Variants in FHIP2A observed in about 807,000 individuals in gnomAD.
FHIP2A encodes the protein FHF complex subunit HOOK interacting protein 2A, also known as family with sequence similarity 160 member B1.
In FHIP2A, 46 loss-of-function variants were observed where a neutral mutation model predicts 93.5. The ratio of observed to expected loss-of-function variants is 0.49; its 90% CI spans 0.39 to 0.63. The LOEUF is 0.63. Ranked by LOEUF, FHIP2A falls within the 20% of genes least tolerant of loss-of-function variation. The probability of loss-of-function intolerance (pLI) is 0.00; values close to 1 mark genes in which losing one functional copy is unlikely to be tolerated. For missense variants in FHIP2A, 769 were observed against 909.7 expected (o/e 0.85, Z 1.99); for synonymous variants, 332 against 326.5 (o/e 1.02, Z -0.18).
Position 114,897,361 on chromosome 10 carries a change from T to G in FHIP2A, c.2193-2129T>G, listed in dbSNP as rs556142728. ...GTTATAAATGACCCTTTATTCGGTG[T>G]ACTTTCGTGGCAAAACTGCTGGCAA... On this transcript the variant is annotated intron_variant, in intron 16 of 16. Coordinates refer to the FHIP2A transcript ENST00000369250. Among the ~76,000 whole-genome samples the G allele has an allele frequency of 6.8e-4, 103 of 152,346 alleles. 3 individuals carry two copies. The South Asian group carries it at 0.021, about 31-fold the overall frequency.
chr10:114,859,281 CTG>C (rs113693865), intron 14 of FHIP2A, among the ~76,000 whole-genome samples: 7,660 of 152,270 alleles, frequency 0.05, 338 homozygotes, highest in Admixed American at 0.12. Flanking sequence ...ATCGTAGCGT[CTG>C]TAGCTGTGGT....
chr10:114,863,642 T>C lies in FHIP2A; in HGVS notation c.*2102T>C. ...TTTTCATCCCTTCTTTTTTCTTTTATATTTAGTTCAGACCTAGAGCCAGTA... is the reference window on the plus strand; with the variant it reads ...TTTTCATCCCTTCTTTTTTCTTTTACATTTAGTTCAGACCTAGAGCCAGTA... On this transcript the variant is annotated 3_prime_UTR_variant, in exon 17 of 17. Coordinates refer to ENST00000369248, the MANE Select transcript of FHIP2A (RefSeq NM_020940.4). 7.7e-7 allele frequency: 1 copy of C among 1,291,712 alleles called. No homozygotes were observed. Among genetic ancestry groups the C allele is most frequent in the Middle Eastern group, 2.4e-4 (1 of 4,162 alleles). 80.0% of individuals were successfully genotyped at this position (1,291,712 alleles called of 1,614,324 possible).
chr10:114,855,462 G>C (rs2083761600), intron 14 of FHIP2A, 122 bp downstream of exon 14: 1 of 842,512 alleles, frequency 1.2e-6, no homozygotes, highest in African/African-American at 1.7e-5. Flanking sequence ...TCCACTGGAT[G>C]ACTTTTTCAT....
intron 7 of FHIP2A, among the ~76,000 whole-genome samples, 181 bp from the exon 8 acceptor site, chr10:114,845,186 A>C (rs564722495): frequency 6.6e-6 from 1 of 152,250 alleles, no homozygotes; most frequent in South Asian, 2.1e-4. Flanking sequence ...CTTATTTAAA[A>C]GATTTTCTCT....
Position 114,899,568 on chromosome 10 carries a change from T to G in FHIP2A, c.*54T>G. On this transcript the variant is annotated 3_prime_UTR_variant, in exon 17 of 17. Coordinates refer to the FHIP2A transcript ENST00000369250. The stretch of plus-strand genomic sequence containing the variant: ...AAAGCTTCAAGCTCAGCCAAAAGAA[T>G]CTCGATGGTTTCCACAAAAAATCTT... The G allele has an allele frequency of 4.2e-6, 3 of 716,908 alleles. No individual in the cohort carries two copies. The South Asian group carries it at 4.5e-5, about 11-fold the overall frequency. 44.4% of individuals were successfully genotyped at this position (716,908 alleles called of 1,614,324 possible). A position where few individuals can be genotyped will look rare whatever the true frequency, so the allele number is the denominator to read the frequency against.
intron 16 of FHIP2A, among the ~76,000 whole-genome samples, chr10:114,871,452 C>T (rs1001472263): frequency 6.6e-6 from 1 of 152,190 alleles, no homozygotes; most frequent in African/African-American, 2.4e-5. Flanking sequence ...TCTAGCTCTG[C>T]AACCCCAGCC....
At chr10:114,874,287 C>A (rs978924040) in intron 16 of FHIP2A, among the ~76,000 whole-genome samples, 3 of 152,120 alleles carry the variant, frequency 2.0e-5, no homozygotes, top group Non-Finnish European at 4.4e-5. Context: ...AAAGGAATCA[C>A]ATCCTAACAG....
Position 114,875,873 on chromosome 10 carries a change from AAGAAAGAAAAGAAAGAG to A in FHIP2A, c.2192+14543_2192+14559del, listed in dbSNP as rs1566384240. 1.6e-4 allele frequency among the ~76,000 whole-genome samples: 23 copies of A among 140,160 alleles called. 1 individual carries two copies. Among genetic ancestry groups the A allele is most frequent in the African/African-American group, 6.3e-4 (22 of 34,748 alleles). 92.0% of individuals were successfully genotyped at this position (140,160 alleles called of 152,430 possible). ...AAAGAAAAAGAAAGAAAGAAAGAGAAAGAAAGAAAAGAAAGAGAGAGAAAGAAATAAAGAAAGAGAAA... is the reference window on the plus strand; with the variant it reads ...AAAGAAAAAGAAAGAAAGAAAGAGAAAGAGAAAGAAATAAAGAAAGAGAAA... On this transcript the variant is annotated intron_variant, in intron 16 of 16. Coordinates refer to the FHIP2A transcript ENST00000369250.
chr10:114,890,116 C>G (rs1358510093), intron 16 of FHIP2A, among the ~76,000 whole-genome samples: 1 of 152,190 alleles, frequency 6.6e-6, no homozygotes, highest in Non-Finnish European at 1.5e-5. Flanking sequence ...CAACCTCTGC[C>G]TCCCAGGTTC....
intron 14 of FHIP2A, among the ~76,000 whole-genome samples, chr10:114,856,007 T>C (rs1170686734): frequency 6.6e-6 from 1 of 152,206 alleles, no homozygotes. Context: ...CATTAGAATC[T>C]AAACCTGAAA....
intron 3 of FHIP2A, 154 bp downstream of exon 3, chr10:114,833,556 A>G: frequency 1.5e-6 from 1 of 670,746 alleles, no homozygotes; most frequent in East Asian, 2.7e-5. Flanking sequence ...TGTGTAGCCT[A>G]TACAAATATG....
chr10:114,885,395 GAGAAAAAAAAAAAAA>G (rs1441188655), intron 16 of FHIP2A, among the ~76,000 whole-genome samples: 1 of 138,440 alleles, frequency 7.2e-6, no homozygotes, highest in African/African-American at 2.7e-5. Flanking sequence ...AACTCCATCT[GAGAAAAAAAAAAAAA>G]AGAAAAAAAA....
At position 114,846,256 on chromosome 10, in the gene FHIP2A, A is replaced by C. The variant is rs750656077; in HGVS notation, c.1287A>C (p.Glu429Asp). The stretch of plus-strand genomic sequence containing the variant: ...TGACCTCTGATGTTTTGCTTCAAGA[A>C]ATGGTGTTTTTTATCCTTGGAGAAC... Reference protein sequence around the residue: ...RQVTSDVLLQEMVFFILGEQR... With the variant: ...RQVTSDVLLQDMVFFILGEQR... Residue 429 changes from glutamate to aspartate, a missense_variant, in exon 10 of 17, where the codon GAA becomes GAC. Coordinates refer to ENST00000369248, the MANE Select transcript of FHIP2A (RefSeq NM_020940.4). The C allele has an allele frequency of 6.2e-7, 1 of 1,614,158 alleles. No individual in the cohort carries two copies. The highest frequency in any genetic ancestry group is 1.1e-5 in the South Asian group (1 of 91,078).
intron 16 of FHIP2A, among the ~76,000 whole-genome samples, chr10:114,873,306 T>C (rs968483606): frequency 3.3e-5 from 5 of 152,340 alleles, no homozygotes; most frequent in Admixed American, 3.3e-4. Context: ...ACTGGGATTG[T>C]GGATGTTACA....
chr10:114,875,770 AAAG>A (rs913231206), intron 16 of FHIP2A, among the ~76,000 whole-genome samples: 16 of 151,344 alleles, frequency 1.1e-4, no homozygotes, highest in Middle Eastern at 3.4e-3. Flanking sequence ...AAGAAAGAGA[AAAG>A]AGAGAGAGAA....
intron 1 of FHIP2A, among the ~76,000 whole-genome samples, chr10:114,829,347 G>T (rs1239847056): frequency 6.6e-6 from 1 of 152,196 alleles, no homozygotes. Context: ...TGGGGAAAGG[G>T]GTGGGCCATT....
intron 13 of FHIP2A, among the ~76,000 whole-genome samples, chr10:114,853,827 C>T (rs1187040915): frequency 6.6e-6 from 1 of 152,036 alleles, no homozygotes; most frequent in Non-Finnish European, 1.5e-5. Flanking sequence ...GGTGAAACCC[C>T]ATCTCTACTA....
rs2083792972 is a variant in FHIP2A, at chr10:114,860,745, A to G, written c.1948-4A>G. On this transcript the variant is annotated splice_polypyrimidine_tract_variant and splice_region_variant and intron_variant, in intron 14 of 16. Coordinates refer to ENST00000369248, the MANE Select transcript of FHIP2A (RefSeq NM_020940.4). ...ATGTCTTTCTGTTTTTTATCTCTCC[A>G]TAGCCATATGATGTAAACTTACAAG... 1.9e-6 allele frequency: 3 copies of G among 1,587,610 alleles called. No individual in the cohort carries two copies. The highest frequency in any genetic ancestry group is 2.6e-6 in the Non-Finnish European group (3 of 1,155,968).
intron 14 of FHIP2A, among the ~76,000 whole-genome samples, chr10:114,859,618 A>G (rs1012974990): frequency 6.6e-6 from 1 of 152,214 alleles, no homozygotes; most frequent in African/African-American, 2.4e-5. Flanking sequence ...GGAAGGGGTG[A>G]GAAGTTTCTA....
Sources: gnomAD v4.1 joint callset for allele counts (sites outside exome capture counted in the v4.1 genomes callset) on GRCh38, gnomAD v4.1.1 for gene constraint, MANE v1.5 for transcripts, NCBI Gene and HGNC (gene_info 2026-07-23, HGNC 2026-07-21) for gene names.